Variants in PASD1 observed in about 807,000 individuals in gnomAD.
The protein encoded by PASD1 is circadian clock protein PASD1.
PASD1 carries 13 observed loss-of-function variants against 58.8 expected under a neutral mutation model. The observed-to-expected ratio is 0.22, with a 90% CI of 0.14 to 0.35. The LOEUF is 0.35. Ranked by LOEUF, PASD1 falls within the 10% of genes least tolerant of loss-of-function variation. The pLI, the probability that PASD1 is intolerant of heterozygous loss-of-function variation, is 1.00. For missense variants in PASD1, 734 were observed against 568.3 expected (o/e 1.29, Z -2.96); for synonymous variants, 236 against 216.7 (o/e 1.09, Z -0.78).
chrX:151,627,710 G>A lies in PASD1; in HGVS notation c.629+2180G>A, dbSNP rs767912525. Among the ~76,000 whole-genome samples, 147 of 111,690 alleles carry A rather than the reference G, an allele frequency of 1.3e-3. 1 individual carries two copies. The highest frequency in any genetic ancestry group is 4.2e-3 in the African/African-American group (129 of 30,724). ...AGCAGCATGATTTATAATCCTTTGG[G>A]TATATACCCAGTAATGGGATGGCTG... On this transcript the variant is annotated intron_variant, in intron 8 of 15. Coordinates refer to ENST00000370357, the MANE Select transcript of PASD1 (RefSeq NM_173493.3).
chrX:151,602,209 A>G (rs1456835225), intron 2 of PASD1, among the ~76,000 whole-genome samples: 1 of 111,900 alleles, frequency 8.9e-6, no homozygotes, highest in Non-Finnish European at 1.9e-5. Flanking sequence ...ATGATGTGCA[A>G]TAGAACTCTT....
Position 151,664,237 on chromosome X carries a change from G to A in PASD1, c.960G>A (p.Met320Ile). The change falls in exon 11 of 16, where the codon ATG (methionine) becomes ATA (isoleucine). Residue 320 changes from methionine (M) to isoleucine (I), a missense_variant. Met to Ile is a conservative substitution (Grantham distance 10). Coordinates refer to ENST00000370357, the MANE Select transcript of PASD1 (RefSeq NM_173493.3). ...QVDSVDQEGP[M>I]DQQDPENPVA... Reference sequence around the variant, plus strand: ...ACTCAGTGGACCAGGAGGGCCCAATGGACCAGCAGGACCCAGAGAACCCAG... The same window carrying A: ...ACTCAGTGGACCAGGAGGGCCCAATAGACCAGCAGGACCCAGAGAACCCAG... 8.3e-7 allele frequency: 1 copy of A among 1,201,347 alleles called. No homozygotes were observed.
intron 8 of PASD1, among the ~76,000 whole-genome samples, chrX:151,648,270 G>T (rs976874568): frequency 9.1e-6 from 1 of 109,501 alleles, no homozygotes; most frequent in Admixed American, 9.8e-5. Flanking sequence ...ATTAAATTGG[G>T]CCTAAAGGCA....
chrX:151,602,076 T>C (rs1182666134), intron 2 of PASD1, among the ~76,000 whole-genome samples: 1 of 112,273 alleles, frequency 8.9e-6, no homozygotes, highest in Non-Finnish European at 1.9e-5. Flanking sequence ...GTGGAATGGC[T>C]AAATCCAGCT....
chrX:151,618,583 A>G (rs1291993759), intron 4 of PASD1, among the ~76,000 whole-genome samples: 1 of 112,157 alleles, frequency 8.9e-6, no homozygotes, highest in Non-Finnish European at 1.9e-5. Context: ...GGTCTCTGTT[A>G]TACTGCAATT....
At chrX:151,615,908 A>G (rs1305882473) in intron 4 of PASD1, among the ~76,000 whole-genome samples, 2 of 112,527 alleles carry the variant, frequency 1.8e-5, no homozygotes, top group East Asian at 2.8e-4. Flanking sequence ...GCTAAGGCCC[A>G]TCTGATCAGT....
intron 4 of PASD1, among the ~76,000 whole-genome samples, chrX:151,613,956 A>C (rs1174436191): frequency 9.0e-6 from 1 of 110,556 alleles, no homozygotes; most frequent in East Asian, 2.8e-4. Context: ...TATTCTTACT[A>C]TAACTTCATA....
At chrX:151,655,904 G>A (rs7050958) in intron 9 of PASD1, among the ~76,000 whole-genome samples, 34,992 of 110,924 alleles carry the variant, frequency 0.32, 4,761 homozygotes, top group Middle Eastern at 0.47. Context: ...ATTGCTTTTG[G>A]TGTTTTAGAC....
At chrX:151,667,463 A>G (rs771855681) in intron 11 of PASD1, among the ~76,000 whole-genome samples, 4 of 111,978 alleles carry the variant, frequency 3.6e-5, no homozygotes, top group African/African-American at 1.3e-4. Context: ...GCCCACGCCT[A>G]TGTCCTGAAT....
intron 1 of PASD1, among the ~76,000 whole-genome samples, chrX:151,590,932 G>T (rs776694650): frequency 8.9e-6 from 1 of 112,037 alleles, no homozygotes; most frequent in African/African-American, 3.2e-5. Flanking sequence ...TGAAATATTT[G>T]TTCTGGGAGA....
At chrX:151,654,967 T>TA (rs1398886428) in intron 9 of PASD1, among the ~76,000 whole-genome samples, 5 of 110,107 alleles carry the variant, frequency 4.5e-5, no homozygotes, top group African/African-American at 1.7e-4. Context: ...ACTCATCATT[T>TA]ACATTAGGTA....
chrX:151,655,007 C>G (rs1226777275), intron 9 of PASD1, among the ~76,000 whole-genome samples: 1 of 109,757 alleles, frequency 9.1e-6, no homozygotes, highest in African/African-American at 3.3e-5. Flanking sequence ...TCCCCACTCC[C>G]CCCACCCCAT....
In PASD1 at chrX:151,604,713, C is replaced by T; in HGVS notation, c.96C>T (p.Tyr32=). 1 of 1,206,607 alleles carries T rather than the reference C, an allele frequency of 8.3e-7. No individual in the cohort carries two copies. Among genetic ancestry groups the T allele is most frequent in the Non-Finnish European group, 1.1e-6 (1 of 891,315 alleles). The change falls in exon 3 of 16, where the codon TAC becomes TAT. Residue 32 remains tyrosine (Y), a synonymous_variant. Coordinates refer to ENST00000370357, the MANE Select transcript of PASD1 (RefSeq NM_173493.3). ...NWIPSFPTYD[Y]FNQVTLQLLD... is the part of the protein sequence containing the mutation. Reference sequence around the variant, plus strand: ...TTCCATCATTTCCTACCTATGATTACTTCAACCAAGTGACGCTACAGGTAA... The same window carrying T: ...TTCCATCATTTCCTACCTATGATTATTTCAACCAAGTGACGCTACAGGTAA...
chrX:151,620,789 A>G (rs965030327), intron 4 of PASD1, 141 bp from the exon 5 acceptor site: 1 of 376,558 alleles, frequency 2.7e-6, no homozygotes, highest in Non-Finnish European at 4.7e-6. Context: ...ATAACTGTAC[A>G]TGGCTGAGGT....
chrX:151,640,501 A>G (rs1049738714), intron 8 of PASD1, among the ~76,000 whole-genome samples: 3 of 111,953 alleles, frequency 2.7e-5, no homozygotes, highest in Non-Finnish European at 5.6e-5. Context: ...TGAGTGAGAG[A>G]TGCATCCCTA....
chrX:151,591,795 T>C (rs933581870), intron 1 of PASD1, among the ~76,000 whole-genome samples: 2 of 111,277 alleles, frequency 1.8e-5, no homozygotes, highest in African/African-American at 6.5e-5. Flanking sequence ...CTGTGTGCTG[T>C]TGGAGGTATC....
intron 11 of PASD1, among the ~76,000 whole-genome samples, chrX:151,666,491 A>G (rs749981530): frequency 8.3e-5 from 9 of 108,305 alleles, no homozygotes; most frequent in African/African-American, 1.7e-4. Flanking sequence ...CTATTAACTC[A>G]TCATTTAACA....
intron 8 of PASD1, among the ~76,000 whole-genome samples, chrX:151,635,742 A>T (rs1291543843): frequency 1.8e-5 from 2 of 109,120 alleles, no homozygotes. Flanking sequence ...TAAGTCTATC[A>T]TTCCATGAGC....
At chrX:151,577,942 A>G (rs751601040) in intron 1 of PASD1, among the ~76,000 whole-genome samples, 4 of 112,231 alleles carry the variant, frequency 3.6e-5, no homozygotes, top group African/African-American at 9.7e-5. Context: ...GATCTCTGCT[A>G]TTACCACATT....
Sources: allele counts gnomAD v4.1 joint callset (sites outside exome capture counted in the v4.1 genomes callset), GRCh38; gene constraint gnomAD v4.1.1; transcripts MANE v1.5; gene names NCBI Gene and HGNC (gene_info 2026-07-23, HGNC 2026-07-21).